The following FAR2 variants were observed in gnomAD, a reference collection of about 807,000 sequenced individuals.
The protein encoded by FAR2 is epididymis secretory protein Li 81.
In FAR2, 19 loss-of-function variants were observed where a neutral mutation model predicts 56.0. The observed-to-expected ratio is 0.34, with a 90% CI of 0.24 to 0.50. The LOEUF (loss-of-function observed/expected upper bound fraction) is 0.50. Ranked by LOEUF, FAR2 falls within the 20% of genes least tolerant of loss-of-function variation. FAR2 has a pLI of 0.98. For synonymous variants in FAR2, 219 were observed against 218.8 expected (o/e 1.00, Z -0.01); for missense variants, 508 against 642.2 (o/e 0.79, Z 2.26).
chr12:29,200,340 C>T (rs1212584079), intron 1 of FAR2, among the ~76,000 whole-genome samples: 1 of 152,132 alleles, frequency 6.6e-6, no homozygotes, highest in Non-Finnish European at 1.5e-5. Context: ...AAGGAGCCAC[C>T]AGGCAGATAA....
At chr12:29,322,228 C>T (rs972318303) in intron 10 of FAR2, among the ~76,000 whole-genome samples, 1 of 152,172 alleles carries the variant, frequency 6.6e-6, no homozygotes. Flanking sequence ...TTCTACAAAC[C>T]CTCAGTACCT....
intron 1 of FAR2, among the ~76,000 whole-genome samples, chr12:29,262,743 C>T (rs1284508019): frequency 6.6e-6 from 1 of 151,998 alleles, no homozygotes; most frequent in Non-Finnish European, 1.5e-5. Flanking sequence ...GAAGAGAAGA[C>T]CACAAAACAA....
chr12:29,306,741 A>G (rs922044420), intron 4 of FAR2, among the ~76,000 whole-genome samples: 4 of 152,210 alleles, frequency 2.6e-5, no homozygotes, highest in African/African-American at 9.6e-5. Context: ...ACATATTTTT[A>G]AGAAAGATTA....
chr12:29,272,243 T>C (rs2136709563), intron 2 of FAR2, among the ~76,000 whole-genome samples: 1 of 152,366 alleles, frequency 6.6e-6, no homozygotes. Context: ...CTTGTTTCCA[T>C]TCTCCCCGTC....
chr12:29,177,767 C>T (rs949084744), intron 1 of FAR2, among the ~76,000 whole-genome samples: 8 of 151,972 alleles, frequency 5.3e-5, no homozygotes, highest in Admixed American at 2.6e-4. Context: ...CAGATGCGTT[C>T]CAAGATTTTC....
chr12:29,199,439 A>C (rs1033651892), intron 1 of FAR2, among the ~76,000 whole-genome samples: 1 of 151,900 alleles, frequency 6.6e-6, no homozygotes, highest in Non-Finnish European at 1.5e-5. Flanking sequence ...CTCTACTAAA[A>C]ATACAAAAAA....
intron 2 of FAR2, among the ~76,000 whole-genome samples, chr12:29,288,087 A>G (rs1948904890): frequency 6.6e-6 from 1 of 152,224 alleles, no homozygotes; most frequent in African/African-American, 2.4e-5. Flanking sequence ...TCATATAATT[A>G]GAAGAGTATC....
intron 2 of FAR2, among the ~76,000 whole-genome samples, chr12:29,285,227 TG>T (rs1214525848): frequency 1.3e-5 from 2 of 152,368 alleles, no homozygotes; most frequent in East Asian, 3.9e-4. Context: ...AAAAGCTGCT[TG>T]TTCTCAACTT....
chr12:29,221,046 T>C (rs988656287), intron 1 of FAR2, among the ~76,000 whole-genome samples: 3 of 152,080 alleles, frequency 2.0e-5, no homozygotes, highest in African/African-American at 7.2e-5. Context: ...GTTGTGCGCA[T>C]GCTCACTTGA....
chr12:29,305,726 A>G (rs940522479), intron 4 of FAR2, among the ~76,000 whole-genome samples: 1 of 152,208 alleles, frequency 6.6e-6, no homozygotes, highest in Admixed American at 6.5e-5. Context: ...TGGAATGAAA[A>G]GATAAAACAG....
chr12:29,162,055 T>C (rs1474749363), intron 1 of FAR2, among the ~76,000 whole-genome samples: 1 of 152,222 alleles, frequency 6.6e-6, no homozygotes, highest in East Asian at 1.9e-4. Context: ...TGTCAATGTC[T>C]TCTCCCAATC....
chr12:29,214,653 T>C (rs1350092992), intron 1 of FAR2, among the ~76,000 whole-genome samples: 3 of 151,910 alleles, frequency 2.0e-5, no homozygotes, highest in Admixed American at 6.6e-5. Flanking sequence ...AAAATCCATC[T>C]CTACTAAAAA....
chr12:29,301,279 AT>A (rs1949160368), intron 4 of FAR2, among the ~76,000 whole-genome samples: 1 of 152,054 alleles, frequency 6.6e-6, no homozygotes, highest in East Asian at 1.9e-4. Flanking sequence ...CCTGGCTCTT[AT>A]ATCTGTAGTT....
intron 1 of FAR2, among the ~76,000 whole-genome samples, chr12:29,154,674 C>T (rs1365300900): frequency 6.6e-6 from 1 of 152,162 alleles, no homozygotes; most frequent in Non-Finnish European, 1.5e-5. Context: ...ACCTTGTGAT[C>T]CGCCTGCCTC....
intron 1 of FAR2, among the ~76,000 whole-genome samples, chr12:29,162,110 A>T (rs922808113): frequency 1.1e-4 from 16 of 152,282 alleles, no homozygotes; most frequent in African/African-American, 3.4e-4. Flanking sequence ...ATGAACACAA[A>T]TTCTTAATCT....
At chr12:29,333,236 G>T in intron 11 of FAR2, 1 of 234,290 alleles carries the variant, frequency 4.3e-6, no homozygotes, top group South Asian at 6.2e-5. Context: ...GAGATGATAA[G>T]GATAAAAAAG....
rs1422461563 is a variant in FAR2, at chr12:29,246,599, A to G, written c.-38-23813A>G. Among the ~76,000 whole-genome samples the G allele has an allele frequency of 2.0e-5, 3 of 152,230 alleles. No individual in the cohort carries two copies. In the East Asian group the frequency reaches 5.8e-4, roughly 29 times the overall value. On this transcript the variant is annotated intron_variant, in intron 1 of 11. Transcript: ENST00000536681. ...TCAATAATAAATTGCATCAGCATAT[A>G]AATTCTAAAATAAAGGGTCAAATTA... is the stretch of plus-strand genomic sequence containing the variant.
At chr12:29,195,727 G>A (rs1306218416) in intron 1 of FAR2, among the ~76,000 whole-genome samples, 2 of 152,070 alleles carry the variant, frequency 1.3e-5, no homozygotes, top group South Asian at 4.2e-4. Context: ...ATATATTTAA[G>A]GAGTGCCAGT....
At chr12:29,157,148 A>T (rs1275383271) in intron 1 of FAR2, among the ~76,000 whole-genome samples, 2 of 139,070 alleles carry the variant, frequency 1.4e-5, no homozygotes, top group African/African-American at 2.6e-5. Flanking sequence ...ATATATATGT[A>T]TCAATGTGAT....
Sources: allele counts gnomAD v4.1 joint callset (sites outside exome capture counted in the v4.1 genomes callset), GRCh38; gene constraint gnomAD v4.1.1; transcripts MANE v1.5; gene names NCBI Gene and HGNC (gene_info 2026-07-23, HGNC 2026-07-21).